The following LRRD1 variants were observed in gnomAD, a reference collection of about 807,000 sequenced individuals.
LRRD1 encodes the protein leucine rich repeats and death domain containing 1.
Under a neutral mutation model 69.5 loss-of-function variants are expected in LRRD1, and 49 were observed. The ratio of observed to expected loss-of-function variants is 0.70; its 90% confidence interval spans 0.56 to 0.89. LRRD1 has a LOEUF of 0.89. LRRD1 is among the 40% of genes least tolerant of loss of function. LRRD1 has a pLI of 0.00. For synonymous variants in LRRD1, 303 were observed against 338.9 expected, an observed-to-expected ratio of 0.89 and a Z score of 1.16; for missense variants, 853 against 956.0, an observed-to-expected ratio of 0.89 and a Z score of 1.42.
At chr7:92,173,529 T>C (rs945870018) in intron 1 of LRRD1, among the ~76,000 whole-genome samples, 3 of 152,070 alleles carry the variant, frequency 2.0e-5, no homozygotes, top group East Asian at 3.9e-4. Flanking sequence ...AAGTTCTGAA[T>C]AGACATTTCA....
Position 92,152,389 on chromosome 7 carries a change from T to A in LRRD1, c.2117-1694A>T, listed in dbSNP as rs115906658. ...AGATGTAAATAATTTATCCATTTAATACATAAATGACATTTGAAGAGCTTC... is the reference window on the plus strand; with the variant it reads ...AGATGTAAATAATTTATCCATTTAAAACATAAATGACATTTGAAGAGCTTC... On this transcript the variant is annotated intron_variant, in intron 3 of 5. Transcript: ENST00000458448. Among the ~76,000 whole-genome samples, 451 of 152,214 alleles carry A rather than the reference T, an allele frequency of 3.0e-3. 4 individuals are homozygous for A. Among genetic ancestry groups the A allele is most frequent in the African/African-American group, 0.01 (429 of 41,574 alleles).
Position 92,150,796 on chromosome 7 carries a change from C to T in LRRD1, c.2117-101G>A, listed in dbSNP as rs1820447534. 8 of 768,630 alleles carry T rather than the reference C, an allele frequency of 1.0e-5. No individual in the cohort carries two copies. The South Asian group carries it at 1.5e-4, about 14-fold the overall frequency. 47.6% of individuals were successfully genotyped at this position (768,630 alleles called of 1,614,324 possible). ...TCTTGCTGGCAAAGTACCAGAGGACCCTCACAATGCAGCAGGTCATAAATT... is the reference window on the plus strand; with the variant it reads ...TCTTGCTGGCAAAGTACCAGAGGACTCTCACAATGCAGCAGGTCATAAATT... On this transcript the variant is annotated intron_variant, in intron 3 of 5. Coordinates refer to ENST00000458448, the MANE Select transcript of LRRD1 (RefSeq NM_001161528.2).
chr7:92,160,593 G>A (rs1206256581), intron 2 of LRRD1, among the ~76,000 whole-genome samples: 1 of 152,074 alleles, frequency 6.6e-6, no homozygotes. Flanking sequence ...AGGCCAAGGT[G>A]GGTGGATCAC....
intron 3 of LRRD1, among the ~76,000 whole-genome samples, chr7:92,158,046 A>G (rs1402153530): frequency 1.3e-5 from 2 of 152,218 alleles, no homozygotes; most frequent in Non-Finnish European, 2.9e-5. Context: ...AATTACTCAA[A>G]TAGAATTAGG....
chr7:92,168,810 C>G (rs1788984931), intron 1 of LRRD1, among the ~76,000 whole-genome samples: 1 of 152,124 alleles, frequency 6.6e-6, no homozygotes, highest in Non-Finnish European at 1.5e-5. Flanking sequence ...GAAATAACAG[C>G]AATCAGGGAT....
At chr7:92,142,443 C>G (rs1820178133), downstream of LRRD1, 1 of 456,608 alleles carries the variant, frequency 2.2e-6, no homozygotes, top group Admixed American at 2.3e-5. Context: ...TATACCAAGA[C>G]TAAAAGACTC....
intron 3 of LRRD1, among the ~76,000 whole-genome samples, chr7:92,151,949 CA>C (rs561382791): frequency 0.014 from 1,155 of 82,936 alleles, 10 homozygotes; most frequent in African/African-American, 0.036. Flanking sequence ...AACTCCATCT[CA>C]AAAAAAAAAA....
intron 1 of LRRD1, among the ~76,000 whole-genome samples, chr7:92,171,123 C>G (rs950618475): frequency 1.3e-5 from 2 of 151,506 alleles, no homozygotes; most frequent in African/African-American, 4.9e-5. Flanking sequence ...AATGATGTAC[C>G]TCAAAGAAAT....
At chr7:92,161,620 C>A (rs1788797313) in intron 2 of LRRD1, among the ~76,000 whole-genome samples, 1 of 152,158 alleles carries the variant, frequency 6.6e-6, no homozygotes, top group Non-Finnish European at 1.5e-5. Context: ...AACCCAACAG[C>A]TTTTTCAGAG....
chr7:92,176,429 A>T (rs1789198758), intron 1 of LRRD1, among the ~76,000 whole-genome samples: 1 of 152,166 alleles, frequency 6.6e-6, no homozygotes, highest in African/African-American at 2.4e-5. Flanking sequence ...TTCCAATTGT[A>T]TGACTTACTT....
intron 1 of LRRD1, among the ~76,000 whole-genome samples, chr7:92,172,051 G>A (rs1171183464): frequency 1.3e-5 from 2 of 152,166 alleles, no homozygotes; most frequent in African/African-American, 4.8e-5. Flanking sequence ...CTGAGCCTGG[G>A]AGGTCTCAGG....
intron 2 of LRRD1, among the ~76,000 whole-genome samples, chr7:92,160,310 A>T (rs1157180172): frequency 2.6e-5 from 4 of 152,366 alleles, no homozygotes; most frequent in African/African-American, 9.6e-5. Flanking sequence ...AGGAAGCATA[A>T]GAAATAGTCT....
At chr7:92,155,291 A>G (rs866425396) in intron 3 of LRRD1, among the ~76,000 whole-genome samples, 1 of 152,332 alleles carries the variant, frequency 6.6e-6, no homozygotes, top group Middle Eastern at 3.4e-3. Flanking sequence ...CTACTAAGTG[A>G]CTGACAGGCA....
intron 3 of LRRD1, among the ~76,000 whole-genome samples, chr7:92,155,956 G>GT (rs1222010688): frequency 6.6e-6 from 1 of 152,166 alleles, no homozygotes; most frequent in South Asian, 2.1e-4. Context: ...TCTAGCCAAG[G>GT]TGGCAGCTGA....
chr7:92,145,590 C>T (rs922148267), intron 5 of LRRD1, among the ~76,000 whole-genome samples: 8 of 152,036 alleles, frequency 5.3e-5, no homozygotes, highest in Non-Finnish European at 1.2e-4. Flanking sequence ...CAGGTGCCCA[C>T]CACCACACCG....
At chr7:92,170,252 A>T (rs956352211) in intron 1 of LRRD1, among the ~76,000 whole-genome samples, 1 of 152,150 alleles carries the variant, frequency 6.6e-6, no homozygotes. Context: ...ACAAAAAATT[A>T]CCTCAAAGTA....
rs937536463 is a variant in LRRD1 at position 92,164,786 on chromosome 7, T to C, written c.417A>G (p.Leu139=). Residue 139 remains leucine, a synonymous_variant, in exon 2 of 6, where the codon CTA becomes CTG. Transcript: ENST00000458448. ...VSEENQKQLG[L]GADNFTVNLE... ...GGTTAACTGTAAAGTTATCTGCCCC[T>C]AGGCCAAGTTGTTTCTGATTTTCTT... The C allele has an allele frequency of 2.6e-6, 4 of 1,551,580 alleles. No individual in the cohort carries two copies. In the African/African-American group the frequency reaches 5.5e-5, roughly 21 times the overall value.
Position 92,150,647 on chromosome 7 carries a change from A to G in LRRD1, c.2165T>C (p.Leu722Pro). Residue 722 changes from leucine to proline, a missense_variant, in exon 4 of 6, where the codon CTG becomes CCG. By Grantham distance (98) the Leu-to-Pro change is moderately conservative (BLOSUM62 -3). This residue lies in a region of LRRD1 where 739 missense variants were observed against 808.0 expected (regional missense o/e 0.91). Transcript: ENST00000458448. The part of the protein sequence containing the change: ...LPSAIYNIFS[L>P]KEINFDDNPL... ...GTTGTCATCAAAATTTATCTCCTTC[A>G]GTGAAAAAATATTGTAGATAGCACT... is the stretch of plus-strand genomic sequence containing the variant. 6.4e-7 allele frequency: 1 copy of G among 1,550,548 alleles called. No individual in the cohort carries two copies.
chr7:92,149,632 A>G (rs1443712517), intron 4 of LRRD1, among the ~76,000 whole-genome samples: 4 of 152,230 alleles, frequency 2.6e-5, no homozygotes, highest in Admixed American at 2.6e-4. Context: ...TTTCAGACAG[A>G]TGGTCATAGT....
Sources: allele counts gnomAD v4.1 joint callset (sites outside exome capture counted in the v4.1 genomes callset), GRCh38; gene constraint gnomAD v4.1.1; regional missense constraint gnomAD v4.1.1; transcripts MANE v1.5; gene names NCBI Gene and HGNC (gene_info 2026-07-23, HGNC 2026-07-21).